Variants in TMEM165 observed in about 807,000 individuals in gnomAD.
TMEM165 encodes putative divalent cation/proton antiporter TMEM165.
Under a neutral mutation model 30.0 loss-of-function variants are expected in TMEM165, and 19 were observed. The observed-to-expected ratio is 0.63, with a 90% CI of 0.44 to 0.93. The LOEUF (loss-of-function observed/expected upper bound fraction) is 0.93, where lower values mean the gene tolerates loss of function less well. Ranked by LOEUF, TMEM165 falls within the 40% of genes least tolerant of loss-of-function variation. The pLI is 0.00. For missense variants in TMEM165, 340 were observed against 417.0 expected (o/e 0.82, Z 1.61); for synonymous variants, 168 against 162.9 (o/e 1.03, Z -0.24).
downstream of TMEM165, among the ~76,000 whole-genome samples, chr4:55,426,810 T>C (rs73151846): frequency 3.9e-3 from 597 of 152,274 alleles, 4 homozygotes; most frequent in African/African-American, 0.014. Flanking sequence ...GTGAGGAAGA[T>C]GATAGCTACT....
At chr4:55,399,850 C>T (rs1720878934) in intron 1 of TMEM165, among the ~76,000 whole-genome samples, 1 of 151,732 alleles carries the variant, frequency 6.6e-6, no homozygotes, top group Non-Finnish European at 1.5e-5. Context: ...GGATCCTTGT[C>T]TTTAAAACTA....
intron 1 of TMEM165, chr4:55,403,452 A>G: frequency 3.0e-6 from 1 of 328,552 alleles, no homozygotes; most frequent in African/African-American, 2.3e-5. Context: ...GAGGATCATG[A>G]AAGTATAAAA....
At chr4:55,416,879 C>T in intron 2 of TMEM165, 193 bp from the exon 3 acceptor site, 2 of 470,834 alleles carry the variant, frequency 4.2e-6, no homozygotes, top group Non-Finnish European at 3.7e-6. Context: ...TGTGTTAGGC[C>T]TGGGCTAGAC....
chr4:55,425,442 C>T lies in TMEM165; in HGVS notation c.965C>T (p.Ser322Phe), dbSNP rs1488230218. The T allele has an allele frequency of 1.3e-6, 2 of 1,596,736 alleles. No individual in the cohort carries two copies. Among genetic ancestry groups the T allele is most frequent in the Non-Finnish European group, 1.7e-6 (2 of 1,172,724 alleles). ...TCTGCACTATTTATAAGCCCTGATT[C>T]TGGTTTTTAACAAGCTGTTTGTTCA... ...AFSALFISPD[S>F]GF The change falls in exon 6 of 6, where the codon TCT becomes TTT. Residue 322 changes from serine (S) to phenylalanine (F), a missense_variant. Coordinates refer to ENST00000381334, the MANE Select transcript of TMEM165 (RefSeq NM_018475.5).
At chr4:55,449,599 A>AT in intron 3 of TMEM165, 1 of 1,001,092 alleles carries the variant, frequency 1.0e-6, no homozygotes, top group Non-Finnish European at 1.5e-6. Flanking sequence ...CTTTTGAATT[A>AT]TTTTTCCAAA....
At chr4:55,410,754 C>G (rs958124763) in intron 1 of TMEM165, among the ~76,000 whole-genome samples, 2 of 152,138 alleles carry the variant, frequency 1.3e-5, no homozygotes, top group Non-Finnish European at 2.9e-5. Flanking sequence ...TTTAAACATA[C>G]CTGGGTCTTT....
chr4:55,436,722 A>G (rs1722903429), intron 3 of TMEM165, among the ~76,000 whole-genome samples: 1 of 150,930 alleles, frequency 6.6e-6, no homozygotes, highest in Non-Finnish European at 1.5e-5. Flanking sequence ...TGTGTAAGGC[A>G]AAGACTTGAT....
chr4:55,417,725 T>A, intron 3 of TMEM165, 78 bp from the exon 4 acceptor site: 1 of 1,213,630 alleles, frequency 8.2e-7, no homozygotes, highest in Non-Finnish European at 1.1e-6. Flanking sequence ...ATTTAAACAC[T>A]TAGAAAAGTC....
chr4:55,410,311 C>T (rs880358), intron 1 of TMEM165, among the ~76,000 whole-genome samples: 35,384 of 152,174 alleles, frequency 0.23, 4,614 homozygotes, highest in South Asian at 0.37. Context: ...TTGGACTTGT[C>T]ATTAACTCCT....
intron 2 of TMEM165, among the ~76,000 whole-genome samples, chr4:55,414,536 A>C (rs1721651031): frequency 2.0e-5 from 3 of 152,106 alleles, no homozygotes; most frequent in Admixed American, 2.0e-4. Flanking sequence ...TGTTGCACTC[A>C]TCAACCCGTC....
chr4:55,400,027 T>TC (rs1417062453), intron 1 of TMEM165, among the ~76,000 whole-genome samples: 1 of 145,652 alleles, frequency 6.9e-6, no homozygotes, highest in Non-Finnish European at 1.5e-5. Context: ...TTTTTTTTTT[T>TC]AGAGACAGGG....
At chr4:55,424,386 C>A (rs1722112203) in intron 4 of TMEM165, 152 bp from the exon 5 acceptor site, 2 of 589,632 alleles carry the variant, frequency 3.4e-6, no homozygotes, top group Non-Finnish European at 3.1e-6. Context: ...GCAGCCATTA[C>A]ACCTCTCATA....
chr4:55,435,464 C>A, intron 3 of TMEM165: 1 of 1,613,970 alleles, frequency 6.2e-7, no homozygotes, highest in Non-Finnish European at 8.5e-7. Flanking sequence ...AGTCCTGTGC[C>A]GGCTGAGTTG....
At chr4:55,418,544 C>G (rs1721834080) in intron 4 of TMEM165, among the ~76,000 whole-genome samples, 1 of 151,332 alleles carries the variant, frequency 6.6e-6, no homozygotes, top group Admixed American at 6.6e-5. Context: ...AAGTGTATAG[C>G]TTTTCGTTCA....
At chr4:55,431,082 A>T (rs1205054425), downstream of TMEM165, 2 of 152,242 alleles carry the variant, frequency 1.3e-5, no homozygotes, top group African/African-American at 4.8e-5. Flanking sequence ...AATAAACTTT[A>T]TCAAAATGAG....
chr4:55,404,102 G>T (rs556172273), intron 1 of TMEM165, among the ~76,000 whole-genome samples: 5 of 144,542 alleles, frequency 3.5e-5, no homozygotes, highest in Non-Finnish European at 7.5e-5. Flanking sequence ...GAGTGCAGTG[G>T]GCACAATCTT....
At chr4:55,400,526 C>T (rs1720954734) in intron 1 of TMEM165, among the ~76,000 whole-genome samples, 1 of 148,090 alleles carries the variant, frequency 6.8e-6, no homozygotes, top group Non-Finnish European at 1.5e-5. Flanking sequence ...CAAGGTCTGC[C>T]TTCCAGGCTC....
At chr4:55,405,110 A>G (rs958325970) in intron 1 of TMEM165, among the ~76,000 whole-genome samples, 11 of 152,158 alleles carry the variant, frequency 7.2e-5, no homozygotes, top group East Asian at 1.9e-4. Flanking sequence ...CATTCTTTGA[A>G]CTTTATCTCT....
At chr4:55,427,354 G>T (rs1288109727), downstream of TMEM165, among the ~76,000 whole-genome samples, 1 of 92,914 alleles carries the variant, frequency 1.1e-5, no homozygotes, top group Non-Finnish European at 2.1e-5. Context: ...CGTTTTGTTT[G>T]TTTGGAGACA....
Sources: allele counts gnomAD v4.1 joint callset (sites outside exome capture counted in the v4.1 genomes callset), GRCh38; gene constraint gnomAD v4.1.1; transcripts MANE v1.5; gene names NCBI Gene and HGNC (gene_info 2026-07-23, HGNC 2026-07-21).